The following LPP variants were observed in gnomAD, a reference collection of about 807,000 sequenced individuals.
LPP encodes lipoma-preferred partner.
A neutral mutation model predicts 60.4 loss-of-function variants in LPP; 38 were observed. That is an observed-to-expected ratio of 0.63 (90% confidence interval 0.49 to 0.83). The LOEUF (loss-of-function observed/expected upper bound fraction) is 0.83. Ranked by LOEUF, LPP falls within the 40% of genes least tolerant of loss-of-function variation. LPP has a pLI of 0.00. For synonymous variants in LPP, 328 were observed against 290.8 expected (o/e 1.13, Z -1.30); for missense variants, 902 against 783.6 (o/e 1.15, Z -1.80).
intron 4 of LPP, among the ~76,000 whole-genome samples, chr3:188,441,023 AAT>A (rs1022247896): frequency 2.0e-4 from 19 of 93,330 alleles, no homozygotes; most frequent in African/African-American, 4.9e-4. Context: ...TCTCTCCCTT[AAT>A]ATGTGTGTGT....
At chr3:188,766,118 G>T (rs992887271) in intron 9 of LPP, among the ~76,000 whole-genome samples, 1 of 151,618 alleles carries the variant, frequency 6.6e-6, no homozygotes, top group Non-Finnish European at 1.5e-5. Context: ...GTTATCCACT[G>T]CCTTGGCCTC....
intron 2 of LPP, among the ~76,000 whole-genome samples, chr3:188,261,005 G>A (rs1486677802): frequency 3.9e-5 from 6 of 152,080 alleles, no homozygotes; most frequent in East Asian, 3.9e-4. Flanking sequence ...CCCGGGAGGC[G>A]GAGGTTGCAG....
chr3:188,181,896 A>G (rs1725124958), intron 1 of LPP, among the ~76,000 whole-genome samples: 1 of 152,086 alleles, frequency 6.6e-6, no homozygotes, highest in Non-Finnish European at 1.5e-5. Flanking sequence ...CCATGTACAT[A>G]CTGTTTTGTA....
chr3:188,189,803 C>T (rs1168790896), intron 1 of LPP, among the ~76,000 whole-genome samples: 1 of 152,008 alleles, frequency 6.6e-6, no homozygotes, highest in African/African-American at 2.4e-5. Context: ...TAGACACCTG[C>T]CTTAGAAAGG....
intron 8 of LPP, among the ~76,000 whole-genome samples, chr3:188,734,075 GTTTA>G (rs1721634429): frequency 6.6e-6 from 1 of 151,792 alleles, no homozygotes; most frequent in South Asian, 2.1e-4. Flanking sequence ...CCTTCTTTAA[GTTTA>G]TTTAGTTATT....
At position 188,797,430 on chromosome 3, in the gene LPP, C is replaced by T. The variant is rs188143683; in HGVS notation, c.1410+37148C>T. 2.4e-3 allele frequency among the ~76,000 whole-genome samples: 361 copies of T among 152,330 alleles called. 2 individuals carry two copies. The highest frequency in any genetic ancestry group is 8.5e-3 in the African/African-American group (352 of 41,574). ...CTGCCCATGCTGCCTAATGTTTGTT[C>T]CTACAGATCAAAATCTCATAATCTT... On this transcript the variant is annotated intron_variant, in intron 9 of 11. Transcript: ENST00000617246.
rs1323186559 is a variant in LPP at position 188,878,592 on chromosome 3, A to G, written c.*4113A>G. ...ATGTGCCTCAAGTCCATTTCTTGGG[A>G]TCGCTCGTTTGGTGCACTCTCGTGG... On this transcript the variant is annotated 3_prime_UTR_variant, in exon 12 of 12. Coordinates refer to ENST00000617246, the MANE Select transcript of LPP (RefSeq NM_001375462.1). The G allele has an allele frequency of 2.9e-5, 6 of 209,876 alleles. No homozygotes were observed. The East Asian group carries it at 4.3e-4, about 15-fold the overall frequency. The allele number at this position is 209,876 out of a possible 1,614,324, so 13.0% of individuals were successfully genotyped here. A position where few individuals can be genotyped will look rare whatever the true frequency, so the allele number is the denominator to read the frequency against.
chr3:188,751,339 GT>G (rs1337630136), intron 8 of LPP, among the ~76,000 whole-genome samples: 1 of 152,128 alleles, frequency 6.6e-6, no homozygotes, highest in Non-Finnish European at 1.5e-5. Flanking sequence ...AAAAATAATT[GT>G]TGCAATAGCG....
In LPP at chr3:188,826,353, A is replaced by T. The variant is rs1030979416; in HGVS notation, c.1411-39847A>T. The stretch of plus-strand genomic sequence containing the variant: ...TTATCCTCGTGTCGATTCTTGCCCC[A>T]TTAGCTTTCAGCAGTAAATAGTTGA... On this transcript the variant is annotated intron_variant, in intron 9 of 11. Transcript: ENST00000617246. Among the ~76,000 whole-genome samples, 4 of 152,312 alleles carry T rather than the reference A, an allele frequency of 2.6e-5. No individual in the cohort carries two copies. In the East Asian group the frequency reaches 7.7e-4, roughly 29 times the overall value.
intron 2 of LPP, among the ~76,000 whole-genome samples, chr3:188,258,129 G>C (rs2149653608): frequency 6.6e-6 from 1 of 152,306 alleles, no homozygotes; most frequent in East Asian, 1.9e-4. Flanking sequence ...GCTCATCCTG[G>C]ACTCCCCAAC....
intron 9 of LPP, among the ~76,000 whole-genome samples, chr3:188,789,266 T>C (rs1479041742): frequency 6.6e-6 from 1 of 152,112 alleles, no homozygotes; most frequent in Non-Finnish European, 1.5e-5. Context: ...AGTCACTTTA[T>C]TGCAATGTTC....
intron 9 of LPP, among the ~76,000 whole-genome samples, chr3:188,857,245 G>T (rs1233343289): frequency 6.6e-6 from 1 of 152,222 alleles, no homozygotes; most frequent in Non-Finnish European, 1.5e-5. Context: ...ATGTATTTAT[G>T]AGAGGCTATG....
rs556375796 is a variant in LPP, at chr3:188,537,324, C to T, written c.429+12537C>T. On this transcript the variant is annotated intron_variant, in intron 6 of 11. Coordinates refer to ENST00000617246, the MANE Select transcript of LPP (RefSeq NM_001375462.1). ...CCATTGCCTTTCTAGCATTATTGATCGTATCACATGGGCAAAAGAAAAAGA... is the reference window on the plus strand; with the variant it reads ...CCATTGCCTTTCTAGCATTATTGATTGTATCACATGGGCAAAAGAAAAAGA... Among the ~76,000 whole-genome samples the T allele has an allele frequency of 2.6e-5, 4 of 151,816 alleles. No homozygotes were observed. In the East Asian group the frequency reaches 5.8e-4, roughly 22 times the overall value.
chr3:188,374,545 T>A, intron 3 of LPP, among the ~76,000 whole-genome samples: 1 of 152,226 alleles, frequency 6.6e-6, no homozygotes, highest in East Asian at 1.9e-4. Context: ...TTGTGATTTT[T>A]GTACAATGAT....
At chr3:188,753,316 T>C (rs981759596) in intron 8 of LPP, among the ~76,000 whole-genome samples, 2 of 152,222 alleles carry the variant, frequency 1.3e-5, no homozygotes, top group African/African-American at 4.8e-5. Flanking sequence ...TCACAATACA[T>C]ATATTTACAT....
intron 9 of LPP, among the ~76,000 whole-genome samples, chr3:188,856,974 T>C (rs982363142): frequency 2.0e-5 from 3 of 152,224 alleles, no homozygotes; most frequent in Non-Finnish European, 4.4e-5. Context: ...ATGTTAATTT[T>C]ATCATATTCT....
At position 188,609,339 on chromosome 3, in the gene LPP, C is replaced by A; in HGVS notation, c.608C>A (p.Pro203His). ...CCAATCGGAACACTCAAACCCCAGCCTCAGCCAGTCCCAGCCTCCTACACC... is the reference window on the plus strand; with the variant it reads ...CCAATCGGAACACTCAAACCCCAGCATCAGCCAGTCCCAGCCTCCTACACC... ...VAPIGTLKPQ[P>H]QPVPASYTTA... Residue 203 changes from proline to histidine, a missense_variant, in exon 7 of 12, where the codon CCT (proline) becomes CAT (histidine). Physicochemically the swap from Pro to His is moderately conservative, Grantham distance 77. Coordinates refer to ENST00000617246, the MANE Select transcript of LPP (RefSeq NM_001375462.1). The surrounding 1 kb of genome is among the most constrained non-coding windows in gnomAD (Gnocchi z 6.9). The A allele has an allele frequency of 3.7e-6, 6 of 1,614,162 alleles. No individual in the cohort carries two copies. Among genetic ancestry groups the A allele is most frequent in the Non-Finnish European group, 5.1e-6 (6 of 1,180,034 alleles).
In LPP at chr3:188,469,305, C is replaced by T. The variant is rs139588618; in HGVS notation, c.194-15287C>T. ...AAGAGCCCATCCAGAGCTAGGCAGA[C>T]GGAATTGGGATATGTTTGTTTGTCT... is the stretch of plus-strand genomic sequence containing the variant. On this transcript the variant is annotated intron_variant, in intron 4 of 11. Transcript: ENST00000617246. 1.4e-3 allele frequency among the ~76,000 whole-genome samples: 208 copies of T among 148,442 alleles called. 1 individual carries two copies. The highest frequency in any genetic ancestry group is 4.7e-3 in the African/African-American group (190 of 40,038).
chr3:188,183,561 G>A lies in LPP; in HGVS notation c.-190+29309G>A, dbSNP rs746015016. Among the ~76,000 whole-genome samples the A allele has an allele frequency of 4.5e-4, 69 of 152,346 alleles. 1 individual carries two copies. The highest frequency in any genetic ancestry group is 6.8e-3 in the Middle Eastern group (2 of 294). On this transcript the variant is annotated intron_variant, in intron 1 of 11. Coordinates refer to ENST00000617246, the MANE Select transcript of LPP (RefSeq NM_001375462.1). ...GAGACATCAGCTGAAGCTTTTCAAA[G>A]ACATCCTGTGGAAGGGCATACAGAC...
Sources: gnomAD v4.1 joint callset for allele counts (sites outside exome capture counted in the v4.1 genomes callset) on GRCh38, gnomAD v4.1.1 for gene constraint, Gnocchi (gnomAD v3.1) non-coding constraint, MANE v1.5 for transcripts, NCBI Gene and HGNC (gene_info 2026-07-23, HGNC 2026-07-21) for gene names.